The following DAAM1 variants were observed in gnomAD, a reference collection of about 807,000 sequenced individuals.
DAAM1 encodes the protein dishevelled associated activator of morphogenesis 1, also known as disheveled-associated activator of morphogenesis 1.
Under a neutral mutation model 130.0 loss-of-function variants are expected in DAAM1, and 52 were observed. The ratio of observed to expected loss-of-function variants is 0.40; its 90% CI spans 0.32 to 0.50. DAAM1 has a LOEUF of 0.50. DAAM1 is among the 20% of genes least tolerant of loss of function. DAAM1 has a pLI of 0.61. For synonymous variants in DAAM1, 452 were observed against 444.5 expected (o/e 1.02, Z -0.21); for missense variants, 1,134 against 1,303.8 (o/e 0.87, Z 2.01).
At chr14:59,224,453 C>T (rs1230457620) in intron 1 of DAAM1, among the ~76,000 whole-genome samples, 1 of 152,230 alleles carries the variant, frequency 6.6e-6, no homozygotes, top group Non-Finnish European at 1.5e-5. Context: ...TAGGTAGAGG[C>T]AGTTCTAATG....
At chr14:59,331,657 A>G in intron 14 of DAAM1, 149 bp downstream of exon 14, 2 of 1,499,606 alleles carry the variant, frequency 1.3e-6, no homozygotes, top group South Asian at 2.8e-5. Context: ...TTTAAGTGAT[A>G]AAGCTTCTGA....
chr14:59,272,225 A>G (rs566561827), intron 2 of DAAM1, among the ~76,000 whole-genome samples: 2 of 152,318 alleles, frequency 1.3e-5, no homozygotes, highest in South Asian at 4.1e-4. Flanking sequence ...TTAAAAAGAG[A>G]AAAGTTTTGT....
intron 1 of DAAM1, among the ~76,000 whole-genome samples, chr14:59,240,048 A>C (rs1354659474): frequency 6.6e-6 from 1 of 152,196 alleles, no homozygotes; most frequent in Non-Finnish European, 1.5e-5. Context: ...TCTTCTGTAA[A>C]ACAAGACATT....
At chr14:59,242,228 T>C (rs968102497) in intron 1 of DAAM1, among the ~76,000 whole-genome samples, 9 of 152,208 alleles carry the variant, frequency 5.9e-5, no homozygotes, top group African/African-American at 2.2e-4. Context: ...TAACAAATTA[T>C]CCCAAAAGCT....
intron 1 of DAAM1, among the ~76,000 whole-genome samples, chr14:59,196,077 C>T (rs1887881161): frequency 6.6e-6 from 1 of 152,172 alleles, no homozygotes; most frequent in Non-Finnish European, 1.5e-5. Flanking sequence ...CAGTTGTCCT[C>T]CTGTGAAGAT....
intron 1 of DAAM1, among the ~76,000 whole-genome samples, chr14:59,232,061 G>A (rs1323715859): frequency 6.6e-6 from 1 of 152,204 alleles, no homozygotes; most frequent in Non-Finnish European, 1.5e-5. Context: ...CAGATAGCAA[G>A]TTAATTCTCT....
Position 59,367,583 on chromosome 14 carries a change from C to T in DAAM1, c.2981C>T (p.Ala994Val). The change falls in exon 24 of 25, where the codon GCT becomes GTT. Residue 994 changes from alanine to valine, a missense_variant. By Grantham distance (64) the Ala-to-Val change is moderately conservative. Around this residue, in one of 3 missense-constraint regions of DAAM1, gnomAD observed 644 missense variants for 695.9 expected, o/e 0.93. Transcript: ENST00000360909. ...RKKKEEEERR[A>V]RMEAQLKEQR... ...AAAAAGGAGGAAGAAGAACGTCGAG[C>T]TCGCATGGAAGCTCAGGTGAGAGGA... 6.2e-7 allele frequency: 1 copy of T among 1,613,396 alleles called. No individual in the cohort carries two copies. Among genetic ancestry groups the T allele is most frequent in the East Asian group, 2.2e-5 (1 of 44,842 alleles).
At chr14:59,209,434 A>T (rs1116937) in intron 1 of DAAM1, among the ~76,000 whole-genome samples, 1 of 152,044 alleles carries the variant, frequency 6.6e-6, no homozygotes, top group Non-Finnish European at 1.5e-5. Context: ...TCTAAAAGGA[A>T]AGATGGTCCC....
At chr14:59,216,649 G>A (rs1888589940) in intron 1 of DAAM1, among the ~76,000 whole-genome samples, 1 of 152,088 alleles carries the variant, frequency 6.6e-6, no homozygotes, top group Non-Finnish European at 1.5e-5. Flanking sequence ...TGAACTGGGA[G>A]GCAGAGGTTG....
At chr14:59,254,525 C>T (rs1881784805) in intron 1 of DAAM1, among the ~76,000 whole-genome samples, 1 of 152,182 alleles carries the variant, frequency 6.6e-6, no homozygotes, top group South Asian at 2.1e-4. Flanking sequence ...TTTCTTTTGA[C>T]TTCAGCTTAC....
In DAAM1 at chr14:59,370,628, T is replaced by C. The variant is rs1594859512; in HGVS notation, c.*1769T>C. 2 of 152,230 alleles carry C rather than the reference T, an allele frequency of 1.3e-5. No individual in the cohort carries two copies. The highest frequency in any genetic ancestry group is 4.1e-4 in the South Asian group (2 of 4,828). 9.4% of individuals were successfully genotyped at this position (152,230 alleles called of 1,614,324 possible). A position where few individuals can be genotyped will look rare whatever the true frequency, so the allele number is the denominator to read the frequency against. On this transcript the variant is annotated 3_prime_UTR_variant, in exon 25 of 25. Transcript: ENST00000360909. ...AAATTTAGTGACTTTCTACACACTA[T>C]ATGGAAATAAATGACTAGCAAATAA...
At chr14:59,284,258 A>G (rs181227080) in intron 2 of DAAM1, among the ~76,000 whole-genome samples, 24 of 152,248 alleles carry the variant, frequency 1.6e-4, no homozygotes, top group African/African-American at 5.8e-4. Context: ...ATGAAAGGGA[A>G]AATCAAAGGG....
At chr14:59,327,398 G>GTTTTTT (rs1338982717) in intron 12 of DAAM1, among the ~76,000 whole-genome samples, 53 of 72,692 alleles carry the variant, frequency 7.3e-4, no homozygotes, top group African/African-American at 3.6e-3. Context: ...AGGTCACTTG[G>GTTTTTT]TTTCTTTTTT....
At chr14:59,255,015 G>T (rs377341727) in intron 1 of DAAM1, among the ~76,000 whole-genome samples, 1 of 152,186 alleles carries the variant, frequency 6.6e-6, no homozygotes, top group Non-Finnish European at 1.5e-5. Context: ...CTTCCACTCT[G>T]TGTCCCCTGC....
chr14:59,239,892 C>T (rs1291468496), intron 1 of DAAM1, among the ~76,000 whole-genome samples: 3 of 152,136 alleles, frequency 2.0e-5, no homozygotes, highest in African/African-American at 7.2e-5. Context: ...GAATTACTTC[C>T]AAGCTCCAAG....
At chr14:59,221,190 T>A (rs1888760710) in intron 1 of DAAM1, among the ~76,000 whole-genome samples, 1 of 152,242 alleles carries the variant, frequency 6.6e-6, no homozygotes. Context: ...CCTTGAGTGA[T>A]GTTTACTCCT....
At chr14:59,262,057 T>A (rs1200375450) in intron 1 of DAAM1, among the ~76,000 whole-genome samples, 1 of 152,178 alleles carries the variant, frequency 6.6e-6, no homozygotes, top group Non-Finnish European at 1.5e-5. Context: ...CCCACCTTTT[T>A]TTTTTTCTTT....
Position 59,256,468 on chromosome 14 carries a change from T to G in DAAM1, c.-37-6973T>G, listed in dbSNP as rs570370785. ...TCTTTGCTAAGGAAAATGCACCTGC[T>G]CCAGAATCTTAAGAAGCTTTTTAAA... On this transcript the variant is annotated intron_variant, in intron 1 of 24. Transcript: ENST00000360909. Among the ~76,000 whole-genome samples, 9 of 152,352 alleles carry G rather than the reference T, an allele frequency of 5.9e-5. No homozygotes were observed. In the East Asian group the frequency reaches 1.7e-3, roughly 29 times the overall value.
At chr14:59,192,424 C>G (rs991037612) in intron 1 of DAAM1, among the ~76,000 whole-genome samples, 8 of 152,066 alleles carry the variant, frequency 5.3e-5, no homozygotes, top group African/African-American at 1.9e-4. Context: ...CTTGAGTGCC[C>G]TAGGTGTTTG....
Sources: gnomAD v4.1 joint callset for allele counts (sites outside exome capture counted in the v4.1 genomes callset) on GRCh38, gnomAD v4.1.1 for gene constraint, gnomAD v4.1.1 regional missense constraint, MANE v1.5 for transcripts, NCBI Gene and HGNC (gene_info 2026-07-23, HGNC 2026-07-21) for gene names.